Variants in TBC1D4 observed in about 807,000 individuals in gnomAD.
The protein encoded by TBC1D4 is TBC1 domain family member 4.
In TBC1D4, 121 loss-of-function variants were observed where a neutral mutation model predicts 142.5. The ratio of observed to expected loss-of-function variants is 0.85; its 90% CI spans 0.73 to 0.99. TBC1D4 has a LOEUF of 0.99. Ranked by LOEUF, TBC1D4 falls within the 50% of genes least tolerant of loss-of-function variation. The pLI, the probability that TBC1D4 is intolerant of heterozygous loss-of-function variation, is 0.00. For synonymous variants in TBC1D4, 630 were observed against 628.2 expected (o/e 1.00, Z -0.04); for missense variants, 1,475 against 1,606.6 (o/e 0.92, Z 1.40).
rs1470748223 is a variant in TBC1D4, at chr13:75,284,468, A to T, written c.*2324T>A. ...TAGATCTCCTGCATGCACAGTTCAC[A>T]ATAGGGTTTGCGCTCCTATGAGAAT... On this transcript the variant is annotated 3_prime_UTR_variant, in exon 21 of 21. Coordinates refer to ENST00000377636, the MANE Select transcript of TBC1D4 (RefSeq NM_014832.5). Among the ~76,000 whole-genome samples the T allele has an allele frequency of 6.6e-6, 1 of 152,144 alleles. No homozygotes were observed. Among genetic ancestry groups the T allele is most frequent in the African/African-American group, 2.4e-5 (1 of 41,430 alleles).
intron 1 of TBC1D4, among the ~76,000 whole-genome samples, chr13:75,403,572 A>G (rs761731139): frequency 1.9e-4 from 29 of 152,346 alleles, no homozygotes; most frequent in Admixed American, 5.9e-4. Context: ...AAAATAAAGC[A>G]AATACAAAGA....
chr13:75,474,962 G>A (rs1271847548), intron 1 of TBC1D4, among the ~76,000 whole-genome samples: 2 of 152,082 alleles, frequency 1.3e-5, no homozygotes, highest in African/African-American at 4.8e-5. Flanking sequence ...CTATATCTCA[G>A]TTTTCTCATC....
chr13:75,367,475 T>C (rs908272353), intron 1 of TBC1D4, among the ~76,000 whole-genome samples: 4 of 152,078 alleles, frequency 2.6e-5, no homozygotes, highest in African/African-American at 9.7e-5. Flanking sequence ...CTTGATATTA[T>C]TAATCTTTTA....
intron 16 of TBC1D4, 107 bp downstream of exon 16, chr13:75,302,136 C>T: frequency 7.2e-7 from 1 of 1,396,354 alleles, no homozygotes; most frequent in South Asian, 1.2e-5. Context: ...TCTGCATATG[C>T]CAACAGGTGC....
intron 1 of TBC1D4, among the ~76,000 whole-genome samples, chr13:75,428,080 C>G (rs561345766): frequency 1.3e-5 from 2 of 152,272 alleles, no homozygotes; most frequent in African/African-American, 2.4e-5. Context: ...GAATATCTGG[C>G]ATTCTCTACA....
rs755593392 is a variant in TBC1D4 at position 75,362,244 on chromosome 13, C to A, written c.862G>T (p.Ala288Ser). 1.9e-6 allele frequency: 3 copies of A among 1,613,902 alleles called. No homozygotes were observed. Among genetic ancestry groups the A allele is most frequent in the Non-Finnish European group, 2.5e-6 (3 of 1,179,982 alleles). The change falls in exon 2 of 21, where the codon GCC becomes TCC. Residue 288 changes from alanine to serine, a missense_variant. By Grantham distance (99) the Ala-to-Ser change is moderately conservative (BLOSUM62 1). Transcript: ENST00000377636. The surrounding 1 kb of genome is among the most constrained non-coding windows in gnomAD (Gnocchi z 4.2). ...AAGCAGACCCGAGAGCTGGTCAGGG[C>A]AGGCTGGCTGGCCCCGGCAGGTAAG... is the stretch of plus-strand genomic sequence containing the variant. ...LGLPAGASQP[A>S]LTSSRVCFPE...
intron 1 of TBC1D4, among the ~76,000 whole-genome samples, chr13:75,449,991 T>C (rs1022544075): frequency 6.6e-6 from 1 of 152,204 alleles, no homozygotes; most frequent in Non-Finnish European, 1.5e-5. Flanking sequence ...AAATGAACTC[T>C]GATACATTTT....
chr13:75,479,598 G>A (rs1490516108), intron 1 of TBC1D4, among the ~76,000 whole-genome samples: 1 of 151,796 alleles, frequency 6.6e-6, no homozygotes, highest in Non-Finnish European at 1.5e-5. Context: ...TGTCGCTGGG[G>A]GGAAATAACT....
chr13:75,458,337 CCTT>C (rs756633460), intron 1 of TBC1D4, among the ~76,000 whole-genome samples: 16 of 152,186 alleles, frequency 1.1e-4, no homozygotes, highest in African/African-American at 2.7e-4. Flanking sequence ...TTTCTTCTCT[CCTT>C]CTCTGCTGCA....
intron 4 of TBC1D4, among the ~76,000 whole-genome samples, chr13:75,353,986 G>T (rs1019520766): frequency 4.6e-5 from 7 of 152,176 alleles, no homozygotes; most frequent in African/African-American, 1.4e-4. Context: ...TCAGAGAGCT[G>T]CAGCCTCTCA....
intron 5 of TBC1D4, among the ~76,000 whole-genome samples, chr13:75,344,743 A>G (rs1881014559): frequency 6.6e-6 from 1 of 152,160 alleles, no homozygotes; most frequent in Admixed American, 6.5e-5. Context: ...GAAGGCTCAC[A>G]TACACATACT....
chr13:75,350,265 A>G (rs946705187), intron 4 of TBC1D4, among the ~76,000 whole-genome samples: 1 of 152,170 alleles, frequency 6.6e-6, no homozygotes, highest in Non-Finnish European at 1.5e-5. Flanking sequence ...ACATTTTTAT[A>G]TTCTTTTCCC....
chr13:75,405,260 GTATA>G, intron 1 of TBC1D4, among the ~76,000 whole-genome samples: 1 of 138,652 alleles, frequency 7.2e-6, no homozygotes, highest in East Asian at 2.3e-4. Flanking sequence ...ATATATACAT[GTATA>G]TATGCTTTTT....
At chr13:75,418,103 G>A (rs183377284) in intron 1 of TBC1D4, among the ~76,000 whole-genome samples, 2 of 152,232 alleles carry the variant, frequency 1.3e-5, no homozygotes, top group East Asian at 3.9e-4. Context: ...CATTTCTCCT[G>A]AGATCATAAA....
At position 75,299,587 on chromosome 13, in the gene TBC1D4, A is replaced by G. The variant is rs146260354; in HGVS notation, c.2912-13T>C. On this transcript the variant is annotated splice_polypyrimidine_tract_variant and intron_variant, in intron 16 of 20. Transcript: ENST00000377636. ...GGAAACGTCCTTCCTGCAGAGGAAA[A>G]GAAGGAAAATATTTTTTGAAATGTC... is the stretch of plus-strand genomic sequence containing the variant. The G allele has an allele frequency of 7.3e-4, 1,171 of 1,613,932 alleles. 6 individuals carry two copies. In the African/African-American group the frequency reaches 0.013, roughly 18 times the overall value.
intron 1 of TBC1D4, among the ~76,000 whole-genome samples, chr13:75,449,098 CATT>C (rs1180528388): frequency 4.6e-5 from 7 of 151,842 alleles, no homozygotes; most frequent in Non-Finnish European, 1.0e-4. Context: ...ATCACACTTA[CATT>C]ACCTAATATT....
intron 8 of TBC1D4, among the ~76,000 whole-genome samples, chr13:75,329,359 C>G (rs1879552851): frequency 6.6e-6 from 1 of 151,946 alleles, no homozygotes; most frequent in Non-Finnish European, 1.5e-5. Context: ...ACAATATGGT[C>G]AAACATCACC....
At chr13:75,394,115 T>C (rs1281283142) in intron 1 of TBC1D4, among the ~76,000 whole-genome samples, 1 of 152,210 alleles carries the variant, frequency 6.6e-6, no homozygotes, top group Admixed American at 6.5e-5. Flanking sequence ...ATACAGCTAA[T>C]AGCTACAAAG....
intron 1 of TBC1D4, among the ~76,000 whole-genome samples, chr13:75,465,689 G>C (rs1277483973): frequency 6.6e-6 from 1 of 152,096 alleles, no homozygotes; most frequent in African/African-American, 2.4e-5. Flanking sequence ...TTGGGGGGCA[G>C]GCACACCTCA....
Sources: allele counts gnomAD v4.1 joint callset (sites outside exome capture counted in the v4.1 genomes callset), GRCh38; gene constraint gnomAD v4.1.1; non-coding constraint Gnocchi (gnomAD v3.1); transcripts MANE v1.5; gene names NCBI Gene and HGNC (gene_info 2026-07-23, HGNC 2026-07-21).